PDZD9: variants seen among roughly 807,000 people sequenced by gnomAD.
PDZD9 encodes the protein PDZ domain containing 9.
PDZD9 carries 13 observed loss-of-function variants against 16.3 expected under a neutral mutation model. The observed-to-expected ratio is 0.80, with a 90% confidence interval of 0.52 to 1.27. The LOEUF is 1.27. Among genes scored for constraint, PDZD9 ranks in the 50% most tolerant of loss-of-function variants. PDZD9 has a pLI of 0.00. For synonymous variants in PDZD9, 120 were observed against 111.0 expected, an observed-to-expected ratio of 1.08 and a Z score of -0.51; for missense variants, 288 against 310.9, an observed-to-expected ratio of 0.93 and a Z score of 0.55.
the PDZD9 span, chr16:21,962,752 C>G: frequency 1.4e-5 from 23 of 1,614,090 alleles, no homozygotes; most frequent in East Asian, 2.5e-4. Flanking sequence ...ATCTCGATGT[C>G]TTCTGTAGTG....
intron 1 of PDZD9, among the ~76,000 whole-genome samples, chr16:21,997,654 T>C (rs1191071533): frequency 6.6e-6 from 1 of 152,044 alleles, no homozygotes; most frequent in Non-Finnish European, 1.5e-5. Flanking sequence ...CAAGGGGTAG[T>C]GGGAGAGGTT....
chr16:21,988,513 A>AT, intron 3 of PDZD9, 89 bp downstream of exon 3: 1 of 1,095,802 alleles, frequency 9.1e-7, no homozygotes, highest in Non-Finnish European at 1.3e-6. Context: ...GATCCTTATC[A>AT]TTTGATAATT....
At chr16:21,983,825 G>GA (rs925520295), downstream of PDZD9, 15 of 150,294 alleles carry the variant, frequency 1.0e-4, no homozygotes, top group South Asian at 1.1e-3. Context: ...CTAAAAAGGG[G>GA]AAAAAAAAAG....
At chr16:21,986,455 T>C (rs1009927983) in intron 3 of PDZD9, among the ~76,000 whole-genome samples, 4 of 152,220 alleles carry the variant, frequency 2.6e-5, no homozygotes, top group Non-Finnish European at 5.9e-5. Flanking sequence ...ATAGTTGTTA[T>C]GTAATCACAT....
At chr16:21,994,549 G>A (rs111627794) in intron 2 of PDZD9, among the ~76,000 whole-genome samples, 1 of 152,196 alleles carries the variant, frequency 6.6e-6, no homozygotes, top group Non-Finnish European at 1.5e-5. Context: ...GACAGAGAAG[G>A]TTCAAATCCC....
At chr16:21,998,774 T>A (rs868467329) in intron 1 of PDZD9, 1 of 90,328 alleles carries the variant, frequency 1.1e-5, no homozygotes, top group Non-Finnish European at 1.9e-5. Context: ...CAAGACTCCA[T>A]CTCAAAAAAA....
chr16:21,957,979 G>C, the PDZD9 span, among the ~76,000 whole-genome samples: 14 of 152,166 alleles, frequency 9.2e-5, no homozygotes, highest in African/African-American at 3.4e-4. Context: ...AGTTACATTA[G>C]ATTTAGTGCC....
chr16:21,997,972 GC>G (rs1348313543), intron 1 of PDZD9, among the ~76,000 whole-genome samples: 2 of 152,088 alleles, frequency 1.3e-5, no homozygotes, highest in African/African-American at 4.8e-5. Flanking sequence ...GGGGTTCATG[GC>G]CCTTTCCTCT....
intron 2 of PDZD9, among the ~76,000 whole-genome samples, chr16:21,992,301 G>A (rs558702108): frequency 1.6e-3 from 244 of 152,238 alleles, no homozygotes; most frequent in African/African-American, 5.7e-3. Context: ...CTCCCACAAT[G>A]CCTAGGACAA....
chr16:21,981,401 T>C (rs1201252517), downstream of PDZD9, among the ~76,000 whole-genome samples: 2 of 152,154 alleles, frequency 1.3e-5, no homozygotes, highest in Non-Finnish European at 2.9e-5. Context: ...ACTGTAGATG[T>C]CTCGGCCATC....
the PDZD9 span, among the ~76,000 whole-genome samples, chr16:21,960,143 T>C: frequency 6.6e-6 from 1 of 152,226 alleles, no homozygotes; most frequent in Non-Finnish European, 1.5e-5. Flanking sequence ...ACGAATGTCC[T>C]GGACGGCATC....
Position 21,984,337 on chromosome 16 carries a change from T to A in PDZD9, c.725A>T (p.Asp242Val). ...SSSSSTSSTS[D>V]AFWLEDCAQV... is the part of the protein sequence containing the mutation. ...GGCACAATCTTCCAGCCAAAATGCA[T>A]CTGAGGTAGAGGAGGTAGAGGAGGA... Residue 242 changes from aspartate (D) to valine (V), a missense_variant, in exon 4 of 4, where the codon GAT becomes GTT. Asp to Val is a radical substitution (Grantham distance 152, BLOSUM62 -3). Coordinates refer to ENST00000424898, the MANE Select transcript of PDZD9 (RefSeq NM_001363519.1). 5.6e-6 allele frequency: 9 copies of A among 1,613,948 alleles called. No homozygotes were observed. Among genetic ancestry groups the A allele is most frequent in the Non-Finnish European group, 7.6e-6 (9 of 1,179,922 alleles).
At chr16:21,964,387 T>A in the PDZD9 span, among the ~76,000 whole-genome samples, 1 of 152,074 alleles carries the variant, frequency 6.6e-6, no homozygotes, top group Non-Finnish European at 1.5e-5. Context: ...CACACGGCCA[T>A]TACAGTGATC....
the PDZD9 span, chr16:21,974,029 C>G: frequency 2.1e-5 from 31 of 1,463,228 alleles, no homozygotes; most frequent in African/African-American, 2.8e-5. Flanking sequence ...TTCTCCCCCC[C>G]GCCATAAACA....
At chr16:21,971,413 A>T in the PDZD9 span, 237 of 846,582 alleles carry the variant, frequency 2.8e-4, no homozygotes, top group East Asian at 1.3e-4. Context: ...ACTCTTATTT[A>T]TTTTGTAGTG....
chr16:21,957,715 T>G, the PDZD9 span: 1 of 1,192,414 alleles, frequency 8.4e-7, no homozygotes. Flanking sequence ...ACCAAATAAG[T>G]TTATCCTGTT....
intron 1 of PDZD9, chr16:21,999,162 G>A (rs1171205546): frequency 6.3e-6 from 1 of 157,692 alleles, no homozygotes; most frequent in Non-Finnish European, 1.4e-5. Flanking sequence ...GGTATTTTAT[G>A]TGTTTTAGGC....
downstream of PDZD9, chr16:21,982,963 C>CAAAAAA (rs1036084484): frequency 3.7e-6 from 2 of 537,708 alleles, no homozygotes; most frequent in African/African-American, 3.4e-5. Context: ...GACTCCACCT[C>CAAAAAA]AAAAAAAAAA....
chr16:21,968,516 C>T, the PDZD9 span: 1,066 of 858,076 alleles, frequency 1.2e-3, 12 homozygotes, highest in African/African-American at 0.016. Context: ...TTCATTACAG[C>T]AACTTATAAG....
Sources: gnomAD v4.1 joint callset for allele counts (sites outside exome capture counted in the v4.1 genomes callset) on GRCh38, gnomAD v4.1.1 for gene constraint, MANE v1.5 for transcripts, NCBI Gene and HGNC (gene_info 2026-07-23, HGNC 2026-07-21) for gene names.